Variants in LPP observed in about 807,000 individuals in gnomAD.
LPP encodes the protein lipoma-preferred partner.
Under a neutral mutation model 60.4 loss-of-function variants are expected in LPP, and 38 were observed. The observed-to-expected ratio is 0.63, with a 90% CI of 0.49 to 0.83. The LOEUF (loss-of-function observed/expected upper bound fraction) is 0.83, where lower values mean the gene tolerates loss of function less well. Among genes scored for constraint, LPP ranks in the 40% least tolerant of loss-of-function variants. The probability of loss-of-function intolerance (pLI) is 0.00; values close to 1 mark genes in which losing one functional copy is unlikely to be tolerated. For synonymous variants in LPP, 328 were observed against 290.8 expected, an observed-to-expected ratio of 1.13 and a Z score of -1.30; for missense variants, 902 against 783.6, an observed-to-expected ratio of 1.15 and a Z score of -1.80.
intron 8 of LPP, among the ~76,000 whole-genome samples, chr3:188,747,815 G>A (rs1560149897): frequency 1.3e-5 from 2 of 152,186 alleles, no homozygotes; most frequent in Admixed American, 6.5e-5. Context: ...GGAATCAGAT[G>A]CAGACTACAG....
Position 188,341,681 on chromosome 3 carries a change from C to A in LPP, c.-48C>A. The A allele has an allele frequency of 1.0e-6, 1 of 985,104 alleles. No individual in the cohort carries two copies. Among genetic ancestry groups the A allele is most frequent in the Non-Finnish European group, 1.2e-6 (1 of 829,684 alleles). The allele number at this position is 985,104 out of a possible 1,614,324, so 61.0% of individuals were successfully genotyped here. Reference sequence around the variant, plus strand: ...ACACTAGCATTGCAGTTGGCTGAACCTTGTGTCAACCATCCATTCCAGGAG... The same window carrying A: ...ACACTAGCATTGCAGTTGGCTGAACATTGTGTCAACCATCCATTCCAGGAG... On this transcript the variant is annotated 5_prime_UTR_variant, in exon 3 of 12. Coordinates refer to ENST00000617246, the MANE Select transcript of LPP (RefSeq NM_001375462.1).
chr3:188,651,775 C>A (rs1233601672), intron 7 of LPP, among the ~76,000 whole-genome samples: 1 of 152,114 alleles, frequency 6.6e-6, no homozygotes, highest in Non-Finnish European at 1.5e-5. Context: ...GATTCAGTTA[C>A]CTCCCACCAA....
intron 7 of LPP, among the ~76,000 whole-genome samples, chr3:188,651,013 A>C (rs1851967832): frequency 6.6e-6 from 1 of 152,222 alleles, no homozygotes; most frequent in South Asian, 2.1e-4. Flanking sequence ...GGAGAAGAAA[A>C]AATAAATAGG....
intron 8 of LPP, among the ~76,000 whole-genome samples, chr3:188,753,720 A>T (rs1728955182): frequency 6.6e-6 from 1 of 150,734 alleles, no homozygotes; most frequent in South Asian, 2.1e-4. Flanking sequence ...TGTGTCTACC[A>T]CTCATCCTAG....
rs558261660 is a variant in LPP at position 188,462,196 on chromosome 3, C to T, written c.194-22396C>T. Among the ~76,000 whole-genome samples the T allele has an allele frequency of 3.9e-5, 6 of 151,940 alleles. No individual in the cohort carries two copies. The South Asian group carries it at 1.0e-3, about 26-fold the overall frequency. ...TGTGCTAAATTCTCCTTAAGAATTA[C>T]GTCTCTTTTTTGAAAAACTAACTTT... is the stretch of plus-strand genomic sequence containing the variant. On this transcript the variant is annotated intron_variant, in intron 4 of 11. Transcript: ENST00000617246.
At chr3:188,746,574 C>G (rs1452570702) in intron 8 of LPP, 1 of 481,994 alleles carries the variant, frequency 2.1e-6, no homozygotes, top group Non-Finnish European at 4.1e-6. Context: ...GTATCTCTTG[C>G]CCAAGACAGA....
At chr3:188,732,001 C>T (rs921058508) in intron 8 of LPP, among the ~76,000 whole-genome samples, 7 of 152,080 alleles carry the variant, frequency 4.6e-5, no homozygotes, top group Non-Finnish European at 7.4e-5. Context: ...AAGGAGTATA[C>T]GCATAAAGAA....
chr3:188,202,002 A>G (rs9877414), intron 1 of LPP, among the ~76,000 whole-genome samples: 9,466 of 151,562 alleles, frequency 0.062, 344 homozygotes, highest in South Asian at 0.13. Flanking sequence ...AGCAAAGAAT[A>G]TGTGTTGAGT....
At chr3:188,224,688 C>G (rs1717078993) in intron 1 of LPP, among the ~76,000 whole-genome samples, 1 of 152,016 alleles carries the variant, frequency 6.6e-6, no homozygotes, top group Admixed American at 6.6e-5. Flanking sequence ...GAGCAGGTGT[C>G]TCAGATGGCA....
intron 7 of LPP, among the ~76,000 whole-genome samples, chr3:188,676,926 G>A (rs1419716021): frequency 6.6e-6 from 1 of 152,166 alleles, no homozygotes; most frequent in Non-Finnish European, 1.5e-5. Flanking sequence ...CACCCTTGTA[G>A]GCTTTAAAGA....
intron 4 of LPP, among the ~76,000 whole-genome samples, chr3:188,411,556 C>G (rs1397683565): frequency 6.6e-6 from 1 of 151,988 alleles, no homozygotes; most frequent in Non-Finnish European, 1.5e-5. Context: ...GATGTTGTTC[C>G]ATCACTTTCT....
At chr3:188,424,230 G>A (rs540525736) in intron 4 of LPP, among the ~76,000 whole-genome samples, 6 of 152,270 alleles carry the variant, frequency 3.9e-5, no homozygotes, top group African/African-American at 1.4e-4. Context: ...CCCATTGCTT[G>A]TTTTTGTCAG....
chr3:188,752,119 G>T (rs1259022153), intron 8 of LPP, among the ~76,000 whole-genome samples: 2 of 152,168 alleles, frequency 1.3e-5, no homozygotes, highest in African/African-American at 4.8e-5. Flanking sequence ...TAGGTCTCAT[G>T]CTGGACACCT....
intron 3 of LPP, among the ~76,000 whole-genome samples, chr3:188,358,607 A>G (rs1227468492): frequency 6.6e-6 from 1 of 152,198 alleles, no homozygotes; most frequent in Non-Finnish European, 1.5e-5. Context: ...TTCCAAGTAA[A>G]CAGAATAAAC....
At chr3:188,633,108 TCATATAGATGTGTTGATTAC>T (rs1481871732) in intron 7 of LPP, among the ~76,000 whole-genome samples, 9 of 152,224 alleles carry the variant, frequency 5.9e-5, no homozygotes, top group African/African-American at 1.9e-4. Flanking sequence ...TTCTTCCAAG[TCATATAGATGTGTTGATTAC>T]TTCAATCTTG....
chr3:188,599,102 A>G lies in LPP; in HGVS notation c.430-10059A>G, dbSNP rs528103489. On this transcript the variant is annotated intron_variant, in intron 6 of 11. Coordinates refer to ENST00000617246, the MANE Select transcript of LPP (RefSeq NM_001375462.1). ...TGGCATTTTATCCAGTGCTGGACACATGCATGCTAAGAACTGAGTGTACTG... is the reference window on the plus strand; with the variant it reads ...TGGCATTTTATCCAGTGCTGGACACGTGCATGCTAAGAACTGAGTGTACTG... Among the ~76,000 whole-genome samples, 8 of 152,260 alleles carry G rather than the reference A, an allele frequency of 5.3e-5. No homozygotes were observed. The South Asian group carries it at 1.7e-3, about 32-fold the overall frequency.
intron 5 of LPP, among the ~76,000 whole-genome samples, chr3:188,487,704 A>G (rs1185944854): frequency 6.6e-6 from 1 of 152,196 alleles, no homozygotes; most frequent in Non-Finnish European, 1.5e-5. Flanking sequence ...GGTTTGTACC[A>G]GCTATAGAAA....
intron 7 of LPP, among the ~76,000 whole-genome samples, chr3:188,655,993 C>G (rs1375145185): frequency 1.3e-5 from 2 of 151,716 alleles, no homozygotes; most frequent in African/African-American, 2.4e-5. Flanking sequence ...AGTTTGAGAC[C>G]AGCCTGACCA....
chr3:188,465,526 A>G (rs916630125), intron 4 of LPP, among the ~76,000 whole-genome samples: 3 of 152,188 alleles, frequency 2.0e-5, no homozygotes, highest in Admixed American at 2.0e-4. Context: ...CTTCATTCCA[A>G]AGAATGTGTG....
Sources: allele counts gnomAD v4.1 joint callset (sites outside exome capture counted in the v4.1 genomes callset), GRCh38; gene constraint gnomAD v4.1.1; transcripts MANE v1.5; gene names NCBI Gene and HGNC (gene_info 2026-07-23, HGNC 2026-07-21).